The following ADAM32 variants were observed in gnomAD, a reference collection of about 807,000 sequenced individuals.
ADAM32 encodes the protein disintegrin and metalloproteinase domain-containing protein 32.
A neutral mutation model predicts 114.9 loss-of-function variants in ADAM32; 89 were observed. That is an observed-to-expected ratio of 0.77 (90% CI 0.65 to 0.92). The LOEUF is 0.92. Ranked by LOEUF, ADAM32 falls within the 40% of genes least tolerant of loss-of-function variation. The pLI is 0.00. For missense variants in ADAM32, 870 were observed against 932.8 expected (o/e 0.93, Z 0.88); for synonymous variants, 285 against 307.5 (o/e 0.93, Z 0.77).
intron 11 of ADAM32, among the ~76,000 whole-genome samples, chr8:39,208,096 T>C (rs1807967631): frequency 6.6e-6 from 1 of 152,150 alleles, no homozygotes; most frequent in Admixed American, 6.5e-5. Flanking sequence ...CAGTTGTGGA[T>C]TGCTAGATCA....
intron 2 of ADAM32, among the ~76,000 whole-genome samples, chr8:39,133,082 G>A (rs2129444886): frequency 6.6e-6 from 1 of 152,172 alleles, no homozygotes; most frequent in East Asian, 1.9e-4. Flanking sequence ...TGGGATGTTT[G>A]TTCTCCCAAA....
At chr8:39,110,826 G>A (rs1432792339) in intron 1 of ADAM32, among the ~76,000 whole-genome samples, 2 of 152,228 alleles carry the variant, frequency 1.3e-5, no homozygotes, top group Middle Eastern at 3.4e-3. Context: ...ATCAGCTGAG[G>A]GATCTTGCTC....
intron 10 of ADAM32, among the ~76,000 whole-genome samples, chr8:39,179,273 C>T (rs954129960): frequency 8.5e-5 from 13 of 152,172 alleles, no homozygotes; most frequent in Non-Finnish European, 1.8e-4. Flanking sequence ...GAGATGTGGC[C>T]GCTCCTTCCC....
At position 39,257,224 on chromosome 8, in the gene ADAM32, C is replaced by A; in HGVS notation, c.2043C>A (p.Asn681Lys). Residue 681 changes from asparagine (N) to lysine (K), a missense_variant, in exon 19 of 25, where the codon AAC (asparagine) becomes AAA (lysine). Transcript: ENST00000379907. The part of the protein sequence containing the change: ...IMERASGKTE[N>K]TWLLGFLIAL... ...AAAGAGCATCTGGGAAGACTGAAAA[C>A]ACCTGGCTTCTAGGTTTCCTCATTG... 1 of 1,605,620 alleles carries A rather than the reference C, an allele frequency of 6.2e-7. No homozygotes were observed. The highest frequency in any genetic ancestry group is 1.1e-5 in the South Asian group (1 of 90,136).
chr8:39,257,945 G>T (rs1455247711), intron 19 of ADAM32, among the ~76,000 whole-genome samples: 1 of 151,932 alleles, frequency 6.6e-6, no homozygotes, highest in Non-Finnish European at 1.5e-5. Flanking sequence ...ATTCCTTCTG[G>T]TATGATCCCC....
At chr8:39,257,436 A>G (rs750817834) in intron 19 of ADAM32, 93 bp downstream of exon 19, 240 of 1,393,200 alleles carry the variant, frequency 1.7e-4, no homozygotes, top group Non-Finnish European at 2.0e-4. Context: ...AATACTTTAC[A>G]TATCACTGGG....
intron 11 of ADAM32, among the ~76,000 whole-genome samples, chr8:39,203,078 T>G (rs572046134): frequency 6.6e-6 from 1 of 152,282 alleles, no homozygotes. Flanking sequence ...GGGATAAGTG[T>G]GATGTGGTGC....
intron 6 of ADAM32, among the ~76,000 whole-genome samples, chr8:39,153,819 G>A (rs1055236607): frequency 6.6e-6 from 1 of 152,032 alleles, no homozygotes; most frequent in African/African-American, 2.4e-5. Context: ...AAATCAGGAA[G>A]TTTTCACATA....
At chr8:39,157,969 T>C in intron 6 of ADAM32, 2 of 323,500 alleles carry the variant, frequency 6.2e-6, no homozygotes, top group South Asian at 3.5e-5. Flanking sequence ...TGCCCCAATA[T>C]AGGCAACCTT....
At chr8:39,284,611 ATAAAG>A (rs1813662247) in intron 24 of ADAM32, among the ~76,000 whole-genome samples, 177 bp from the exon 25 acceptor site, 2 of 152,350 alleles carry the variant, frequency 1.3e-5, no homozygotes, top group East Asian at 3.9e-4. Context: ...AAAGAAAAGC[ATAAAG>A]TAAATAAGTG....
intron 12 of ADAM32, among the ~76,000 whole-genome samples, chr8:39,213,199 T>A (rs951300336): frequency 6.6e-6 from 1 of 152,148 alleles, no homozygotes; most frequent in Non-Finnish European, 1.5e-5. Context: ...TAAGCAATTT[T>A]TTGATATATA....
At chr8:39,267,288 T>C (rs1271872953) in intron 19 of ADAM32, among the ~76,000 whole-genome samples, 1 of 152,228 alleles carries the variant, frequency 6.6e-6, no homozygotes, top group Non-Finnish European at 1.5e-5. Flanking sequence ...CTTCTGTCAC[T>C]ACAGTTTACA....
chr8:39,190,863 CCATGTA>C (rs1806555542), intron 11 of ADAM32, among the ~76,000 whole-genome samples: 2 of 152,036 alleles, frequency 1.3e-5, no homozygotes, highest in Admixed American at 1.3e-4. Context: ...ATTTTGCCAC[CCATGTA>C]CTAAGCCTAG....
intron 19 of ADAM32, among the ~76,000 whole-genome samples, chr8:39,262,674 T>G (rs1812110996): frequency 6.7e-6 from 1 of 148,306 alleles, no homozygotes; most frequent in African/African-American, 2.5e-5. Flanking sequence ...TCTTTCTCCC[T>G]CTCTCTCTTT....
At chr8:39,156,721 T>A (rs1804173764) in intron 6 of ADAM32, among the ~76,000 whole-genome samples, 1 of 152,198 alleles carries the variant, frequency 6.6e-6, no homozygotes, top group Admixed American at 6.5e-5. Context: ...GAGGACCCTC[T>A]GCTTGGCATA....
rs1802828614 is a variant in ADAM32 at position 39,136,724 on chromosome 8, T to C, written c.200+6T>C. ...ACTGTGCACCTTAAACAAAGGTAAA[T>C]TTTTATTCTTTAGTTTTGGATTTTA... On this transcript the variant is annotated splice_donor_region_variant and intron_variant, in intron 3 of 24. Coordinates refer to ENST00000379907, the MANE Select transcript of ADAM32 (RefSeq NM_145004.7). 6.8e-7 allele frequency: 1 copy of C among 1,470,698 alleles called. No individual in the cohort carries two copies. Among genetic ancestry groups the C allele is most frequent in the Non-Finnish European group, 9.2e-7 (1 of 1,092,264 alleles). 91.1% of individuals were successfully genotyped at this position (1,470,698 alleles called of 1,614,324 possible).
intron 2 of ADAM32, among the ~76,000 whole-genome samples, chr8:39,119,453 C>T (rs1449218979): frequency 5.3e-5 from 8 of 152,118 alleles, no homozygotes; most frequent in Admixed American, 2.0e-4. Flanking sequence ...ATTTGCATTT[C>T]TTTAATGAAT....
chr8:39,133,165 A>T (rs1802566833), intron 2 of ADAM32, among the ~76,000 whole-genome samples: 1 of 152,152 alleles, frequency 6.6e-6, no homozygotes, highest in African/African-American at 2.4e-5. Context: ...GATGTCCCTC[A>T]TGAATGGCTT....
At chr8:39,124,622 T>C (rs1019259284) in intron 2 of ADAM32, among the ~76,000 whole-genome samples, 1 of 152,086 alleles carries the variant, frequency 6.6e-6, no homozygotes, top group South Asian at 2.1e-4. Context: ...TTCACCGTGT[T>C]AGCCAGGATG....
Sources: allele counts gnomAD v4.1 joint callset (sites outside exome capture counted in the v4.1 genomes callset), GRCh38; gene constraint gnomAD v4.1.1; transcripts MANE v1.5; gene names NCBI Gene and HGNC (gene_info 2026-07-23, HGNC 2026-07-21).